The following EXOC4 variants were observed in gnomAD, a reference collection of about 807,000 sequenced individuals.
EXOC4 encodes the protein exocyst complex component 4, also known as SEC8-like 1.
A neutral mutation model predicts 107.2 loss-of-function variants in EXOC4; 71 were observed. The ratio of observed to expected loss-of-function variants is 0.66; its 90% CI spans 0.55 to 0.81. EXOC4 has a LOEUF of 0.81. Ranked by LOEUF, EXOC4 falls within the 30% of genes least tolerant of loss-of-function variation. EXOC4 has a pLI of 0.00. For missense variants in EXOC4, 1,108 were observed against 1,189.6 expected (o/e 0.93, Z 1.01); for synonymous variants, 456 against 441.2 (o/e 1.03, Z -0.42).
chr7:133,708,362 A>G (rs1794813967), intron 10 of EXOC4, among the ~76,000 whole-genome samples: 1 of 152,238 alleles, frequency 6.6e-6, no homozygotes, highest in Admixed American at 6.5e-5. Context: ...GAAACAATTC[A>G]GTGGGTTACC....
chr7:134,093,880 CAG>C, the EXOC4 span, among the ~76,000 whole-genome samples: 8 of 152,050 alleles, frequency 5.3e-5, no homozygotes, highest in African/African-American at 1.7e-4. Context: ...TAACTGAAAA[CAG>C]AGATGTGACA....
At chr7:133,779,731 A>G (rs1256281321) in intron 10 of EXOC4, among the ~76,000 whole-genome samples, 2 of 152,176 alleles carry the variant, frequency 1.3e-5, no homozygotes, top group Non-Finnish European at 2.9e-5. Context: ...CTAGCTAGAG[A>G]TTTGTAAAAT....
At chr7:133,777,792 G>A (rs1008225228) in intron 10 of EXOC4, among the ~76,000 whole-genome samples, 1 of 152,136 alleles carries the variant, frequency 6.6e-6, no homozygotes, top group African/African-American at 2.4e-5. Context: ...CCTTTTATAA[G>A]GTTGTTGTAA....
At chr7:133,337,912 T>C (rs537006022) in intron 5 of EXOC4, among the ~76,000 whole-genome samples, 5 of 152,102 alleles carry the variant, frequency 3.3e-5, no homozygotes, top group Admixed American at 1.3e-4. Context: ...GTTTACAGCA[T>C]TGAGCCACCA....
the EXOC4 span, among the ~76,000 whole-genome samples, chr7:134,082,416 G>A: frequency 3.3e-5 from 5 of 152,156 alleles, no homozygotes; most frequent in African/African-American, 1.2e-4. Context: ...GTTTTAGCCA[G>A]CTTCTTTACT....
chr7:133,933,046 AT>A (rs11294833), intron 13 of EXOC4, among the ~76,000 whole-genome samples: 90,814 of 148,596 alleles, frequency 0.61, 29,571 homozygotes, highest in African/African-American at 0.87. Flanking sequence ...GAAAGCGCAG[AT>A]TTTTTTTTTT....
At chr7:133,310,553 G>T (rs1179432077) in intron 4 of EXOC4, among the ~76,000 whole-genome samples, 1 of 152,200 alleles carries the variant, frequency 6.6e-6, no homozygotes, top group Non-Finnish European at 1.5e-5. Context: ...TTATCAGGTT[G>T]TTCACAGAAT....
At chr7:133,907,754 G>C (rs560080678) in intron 12 of EXOC4, among the ~76,000 whole-genome samples, 3 of 151,992 alleles carry the variant, frequency 2.0e-5, no homozygotes, top group Non-Finnish European at 4.4e-5. Context: ...CAGGAGAATC[G>C]CTTGAACCTG....
intron 17 of EXOC4, among the ~76,000 whole-genome samples, chr7:134,041,147 G>C (rs756302994): frequency 1.3e-5 from 2 of 152,118 alleles, no homozygotes; most frequent in African/African-American, 4.8e-5. Context: ...TTTTACCATT[G>C]TAACTGCTGT....
At chr7:134,019,297 C>A (rs1302853419) in intron 17 of EXOC4, among the ~76,000 whole-genome samples, 1 of 152,102 alleles carries the variant, frequency 6.6e-6, no homozygotes. Flanking sequence ...GTTTTTGTAC[C>A]TAGCTTTACA....
chr7:133,564,515 G>A (rs1460191612), intron 9 of EXOC4, among the ~76,000 whole-genome samples: 1 of 151,804 alleles, frequency 6.6e-6, no homozygotes, highest in Non-Finnish European at 1.5e-5. Context: ...TATTTTTTTT[G>A]TTCTCCTTCT....
chr7:133,627,904 C>T (rs1802496804), intron 9 of EXOC4, among the ~76,000 whole-genome samples: 1 of 152,152 alleles, frequency 6.6e-6, no homozygotes, highest in Admixed American at 6.5e-5. Flanking sequence ...AATGTCTAGA[C>T]TCTGATGCCT....
intron 10 of EXOC4, among the ~76,000 whole-genome samples, chr7:133,782,089 G>A (rs1308784873): frequency 6.6e-6 from 1 of 152,166 alleles, no homozygotes; most frequent in Non-Finnish European, 1.5e-5. Flanking sequence ...TGCTGCTTGG[G>A]TTGCAGTATT....
intron 11 of EXOC4, among the ~76,000 whole-genome samples, chr7:133,845,230 G>C (rs1346352317): frequency 6.6e-6 from 1 of 151,616 alleles, no homozygotes; most frequent in African/African-American, 2.4e-5. Context: ...TGCACATCCT[G>C]TTGCCTGTTT....
intron 14 of EXOC4, among the ~76,000 whole-genome samples, chr7:133,954,890 G>C (rs1252694992): frequency 2.0e-5 from 3 of 152,246 alleles, no homozygotes; most frequent in Admixed American, 2.0e-4. Context: ...CTGTCTGTGA[G>C]GCTGCAGCTA....
At chr7:133,539,666 G>A (rs1800342461) in intron 9 of EXOC4, among the ~76,000 whole-genome samples, 1 of 152,018 alleles carries the variant, frequency 6.6e-6, no homozygotes, top group African/African-American at 2.4e-5. Context: ...TTAATAACTT[G>A]GAGGTTTTTT....
chr7:133,635,396 C>T (rs1416968030), intron 10 of EXOC4, among the ~76,000 whole-genome samples: 10 of 152,126 alleles, frequency 6.6e-5, no homozygotes, highest in Admixed American at 6.5e-4. Context: ...TCTTTATTCT[C>T]TCCAAGTCTA....
intron 9 of EXOC4, among the ~76,000 whole-genome samples, chr7:133,565,424 GCTA>G (rs1800888902): frequency 6.6e-6 from 1 of 152,106 alleles, no homozygotes; most frequent in Non-Finnish European, 1.5e-5. Context: ...AATTACAGAT[GCTA>G]CCTACTCAAA....
At chr7:134,036,111 A>G (rs1053572553) in intron 17 of EXOC4, among the ~76,000 whole-genome samples, 5 of 152,172 alleles carry the variant, frequency 3.3e-5, no homozygotes, top group Admixed American at 6.5e-5. Context: ...CCCTTAATTG[A>G]TAAGTGTTCA....
Sources: gnomAD v4.1 joint callset for allele counts (sites outside exome capture counted in the v4.1 genomes callset) on GRCh38, gnomAD v4.1.1 for gene constraint, MANE v1.5 for transcripts, NCBI Gene and HGNC (gene_info 2026-07-23, HGNC 2026-07-21) for gene names.